Variants in STOX2 observed in about 807,000 individuals in gnomAD.
STOX2 encodes storkhead-box protein 2.
A neutral mutation model predicts 60.9 loss-of-function variants in STOX2; 28 were observed. The ratio of observed to expected loss-of-function variants is 0.46; its 90% CI spans 0.34 to 0.63. The LOEUF is 0.63. STOX2 is among the 30% of genes least tolerant of loss of function. The pLI, the probability that STOX2 is intolerant of heterozygous loss-of-function variation, is 0.01. For synonymous variants in STOX2, 472 were observed against 463.9 expected (o/e 1.02, Z -0.22); for missense variants, 1,024 against 1,187.7 (o/e 0.86, Z 2.03).
At chr4:183,934,904 C>T (rs191630984) in intron 1 of STOX2, among the ~76,000 whole-genome samples, 7 of 152,354 alleles carry the variant, frequency 4.6e-5, no homozygotes, top group South Asian at 4.1e-4. Context: ...TTGGGGGTAT[C>T]GCTATGAACG....
chr4:184,011,077 G>C lies in STOX2; in HGVS notation c.2239G>C (p.Gly747Arg), dbSNP rs1052976618. The change falls in exon 3 of 4, where the codon GGG becomes CGG. Residue 747 changes from glycine to arginine, a missense_variant. Coordinates refer to ENST00000308497, the MANE Select transcript of STOX2 (RefSeq NM_020225.3). The surrounding 1 kb of genome is among the most constrained non-coding windows in gnomAD (Gnocchi z 4.4). ...GRCEKLEPSL[G>R]TSAAQAMPAS... ...ATGTGAGAAACTGGAACCGTCCCTG[G>C]GGACCTCGGCGGCACAAGCCATGCC... 7 of 1,605,716 alleles carry C rather than the reference G, an allele frequency of 4.4e-6. No homozygotes were observed. The highest frequency in any genetic ancestry group is 6.0e-6 in the Non-Finnish European group (7 of 1,175,984).
intron 1 of STOX2, among the ~76,000 whole-genome samples, chr4:183,822,758 G>A (rs567196642): frequency 6.6e-6 from 1 of 152,296 alleles, no homozygotes; most frequent in African/African-American, 2.4e-5. Context: ...CCACAGTACC[G>A]GTCTGTGGCC....
intron 1 of STOX2, among the ~76,000 whole-genome samples, chr4:183,951,410 A>C (rs1010529974): frequency 6.3e-5 from 9 of 143,956 alleles, no homozygotes; most frequent in African/African-American, 7.8e-5. Context: ...AGATATTTTC[A>C]TCCATGATTT....
intron 1 of STOX2, among the ~76,000 whole-genome samples, chr4:183,947,417 G>C (rs1742928520): frequency 6.6e-6 from 1 of 152,090 alleles, no homozygotes; most frequent in Admixed American, 6.5e-5. Flanking sequence ...GTGGGGTGGG[G>C]CTGTCCTTTG....
At chr4:184,005,968 A>C (rs1337569449) in intron 2 of STOX2, among the ~76,000 whole-genome samples, 1 of 152,206 alleles carries the variant, frequency 6.6e-6, no homozygotes, top group Non-Finnish European at 1.5e-5. Flanking sequence ...GGAAATAGAA[A>C]AATTTTTCTC....
intron 1 of STOX2, among the ~76,000 whole-genome samples, chr4:183,929,366 G>A (rs1050643155): frequency 1.8e-4 from 28 of 152,268 alleles, no homozygotes; most frequent in Non-Finnish European, 3.5e-4. Flanking sequence ...TTAGATAAAC[G>A]CGTTAGGAAT....
chr4:183,840,842 T>G (rs1261970153), intron 1 of STOX2, among the ~76,000 whole-genome samples: 1 of 152,204 alleles, frequency 6.6e-6, no homozygotes, highest in Non-Finnish European at 1.5e-5. Context: ...ACACTGTGGA[T>G]CTGCGGGAGA....
intron 1 of STOX2, among the ~76,000 whole-genome samples, chr4:183,971,958 G>A (rs535224991): frequency 1.3e-5 from 2 of 152,188 alleles, no homozygotes; most frequent in Non-Finnish European, 2.9e-5. Context: ...TAGACTCCGA[G>A]GTAGCCCGAA....
chr4:183,863,013 T>C (rs1482237078), intron 1 of STOX2, among the ~76,000 whole-genome samples: 1 of 152,160 alleles, frequency 6.6e-6, no homozygotes, highest in African/African-American at 2.4e-5. Flanking sequence ...TGGGGATGTT[T>C]AGGTTGCTCA....
intron 1 of STOX2, among the ~76,000 whole-genome samples, chr4:183,893,960 C>T (rs1213233112): frequency 2.0e-5 from 3 of 152,128 alleles, no homozygotes; most frequent in East Asian, 1.9e-4. Flanking sequence ...GAGACCAGCT[C>T]GGGCAACATG....
intron 1 of STOX2, among the ~76,000 whole-genome samples, chr4:183,862,490 C>T (rs1011578158): frequency 1.3e-5 from 2 of 152,142 alleles, no homozygotes; most frequent in Admixed American, 6.5e-5. Context: ...ATAAAATACC[C>T]GAATGGGCCA....
At chr4:183,886,356 GA>G (rs1183959783) in intron 1 of STOX2, among the ~76,000 whole-genome samples, 1 of 150,828 alleles carries the variant, frequency 6.6e-6, no homozygotes, top group South Asian at 2.1e-4. Context: ...AAAGGGGGGG[GA>G]ATGAGGAAAG....
rs1270971517 is a variant in STOX2, at chr4:184,003,623, T to C, written c.319+2146T>C. Among the ~76,000 whole-genome samples the C allele has an allele frequency of 2.0e-5, 3 of 152,234 alleles. No homozygotes were observed. In the South Asian group the frequency reaches 6.2e-4, roughly 32 times the overall value. On this transcript the variant is annotated intron_variant, in intron 2 of 3. Coordinates refer to ENST00000308497, the MANE Select transcript of STOX2 (RefSeq NM_020225.3). ...GCCTAGTGCGGCCCACCACCTGTTT[T>C]TGTAAATAAAGTTTTATTGGAACAC... is the stretch of plus-strand genomic sequence containing the variant.
At chr4:183,866,079 G>C (rs1740559998) in intron 1 of STOX2, among the ~76,000 whole-genome samples, 1 of 152,126 alleles carries the variant, frequency 6.6e-6, no homozygotes, top group Non-Finnish European at 1.5e-5. Flanking sequence ...AGGTGAAGGG[G>C]AGAAAGATAC....
intron 1 of STOX2, among the ~76,000 whole-genome samples, chr4:183,809,546 G>A (rs769379760): frequency 2.0e-5 from 3 of 152,092 alleles, no homozygotes; most frequent in Non-Finnish European, 4.4e-5. Context: ...TTCCAGGCAC[G>A]TGCCATCACA....
At chr4:184,016,973 C>A in intron 3 of STOX2, 116 bp from the exon 4 acceptor site, 1 of 834,580 alleles carries the variant, frequency 1.2e-6, no homozygotes. Flanking sequence ...ATTGATATGA[C>A]ATTATGAACC....
chr4:183,839,427 A>C (rs1739797056), intron 1 of STOX2, among the ~76,000 whole-genome samples: 1 of 152,064 alleles, frequency 6.6e-6, no homozygotes. Context: ...CAAGAATTAA[A>C]ACACACACAC....
intron 1 of STOX2, among the ~76,000 whole-genome samples, chr4:183,874,896 A>T (rs193097546): frequency 0.012 from 1,514 of 121,792 alleles, 27 homozygotes; most frequent in African/African-American, 0.046. Flanking sequence ...ACTGCACTCC[A>T]GCCTGGGCGA....
At chr4:183,993,673 G>T (rs192351271) in intron 1 of STOX2, among the ~76,000 whole-genome samples, 230 of 152,282 alleles carry the variant, frequency 1.5e-3, no homozygotes, top group African/African-American at 5.2e-3. Context: ...TCCTTCAGTT[G>T]ACTATTGCCA....
Sources: gnomAD v4.1 joint callset for allele counts (sites outside exome capture counted in the v4.1 genomes callset) on GRCh38, gnomAD v4.1.1 for gene constraint, Gnocchi (gnomAD v3.1) non-coding constraint, MANE v1.5 for transcripts, NCBI Gene and HGNC (gene_info 2026-07-23, HGNC 2026-07-21) for gene names.